The following C16orf74 variants were observed in gnomAD, a reference collection of about 807,000 sequenced individuals.
C16orf74 encodes calcimembrin, also known as uncharacterized protein C16orf74.
A neutral mutation model predicts 6.5 loss-of-function variants in C16orf74; 10 were observed. The observed-to-expected ratio is 1.54, with a 90% CI of 0.95 to 2.61. The LOEUF (loss-of-function observed/expected upper bound fraction) is 2.61. C16orf74 is among the 30% of genes most tolerant of loss of function. C16orf74 has a pLI of 0.00. For missense variants in C16orf74, 141 were observed against 105.9 expected (o/e 1.33, Z -1.45); for synonymous variants, 60 against 42.5 (o/e 1.41, Z -1.60).
At chr16:85,726,087 C>T (rs570201897) in intron 2 of C16orf74, among the ~76,000 whole-genome samples, 1 of 152,306 alleles carries the variant, frequency 6.6e-6, no homozygotes, top group African/African-American at 2.4e-5. Flanking sequence ...CCTGCATCCA[C>T]ATGGCTAACT....
At chr16:85,719,377 C>G (rs985637867) in intron 2 of C16orf74, among the ~76,000 whole-genome samples, 1 of 152,136 alleles carries the variant, frequency 6.6e-6, no homozygotes, top group Admixed American at 6.5e-5. Context: ...AGGAGGGTCC[C>G]CAGTGATTCA....
intron 1 of C16orf74, among the ~76,000 whole-genome samples, chr16:85,738,829 C>T (rs2054272893): frequency 6.6e-6 from 1 of 152,130 alleles, no homozygotes; most frequent in Admixed American, 6.5e-5. Flanking sequence ...TATGTGTATT[C>T]ATGGTTAGTG....
intron 1 of C16orf74, chr16:85,743,989 G>C (rs1470551267): frequency 6.6e-6 from 1 of 151,910 alleles, no homozygotes; most frequent in African/African-American, 2.4e-5. Flanking sequence ...AGGAGGCGGA[G>C]CTTGCAATGA....
chr16:85,710,126 C>G (rs2305357), intron 3 of C16orf74, 38 bp downstream of exon 3: 917,726 of 1,378,480 alleles, frequency 0.67, 307,033 homozygotes, highest in East Asian at 0.88. Context: ...CGGGCCCCCA[C>G]AGCCGACCCG....
intron 2 of C16orf74, among the ~76,000 whole-genome samples, chr16:85,725,295 G>C (rs1394458214): frequency 6.6e-6 from 1 of 151,958 alleles, no homozygotes; most frequent in African/African-American, 2.4e-5. Flanking sequence ...CCCTGGAATT[G>C]AGCCTGCACA....
intron 1 of C16orf74, among the ~76,000 whole-genome samples, chr16:85,748,992 G>A (rs1030878357): frequency 3.4e-5 from 5 of 147,844 alleles, no homozygotes; most frequent in African/African-American, 1.2e-4. Flanking sequence ...TGTTGCTCAG[G>A]TTGGTCTCAA....
At chr16:85,746,366 C>G (rs1422777117) in intron 1 of C16orf74, among the ~76,000 whole-genome samples, 2 of 152,032 alleles carry the variant, frequency 1.3e-5, no homozygotes, top group Non-Finnish European at 2.9e-5. Flanking sequence ...CAAACAAAAA[C>G]AACAACAAAA....
At chr16:85,709,493 A>ATATTATTATTAT (rs974007082) in intron 3 of C16orf74, among the ~76,000 whole-genome samples, 3 of 84,436 alleles carry the variant, frequency 3.6e-5, no homozygotes, top group African/African-American at 1.3e-4. Flanking sequence ...ACCATCCCCA[A>ATATTATTATTAT]TGTTATTATT....
chr16:85,707,915 A>C lies in C16orf74; in HGVS notation c.*93T>G. The C allele has an allele frequency of 1.8e-6, 2 of 1,101,842 alleles. No individual in the cohort carries two copies. The highest frequency in any genetic ancestry group is 2.7e-6 in the Non-Finnish European group (2 of 751,136). The allele number at this position is 1,101,842 out of a possible 1,614,324, so 68.3% of individuals were successfully genotyped here. A position where few individuals can be genotyped will look rare whatever the true frequency, so the allele number is the denominator to read the frequency against. ...GGTTCGCTCAGTTCCCATCCAGGGT[A>C]TTCAGCACACCTGCTCCAGGCAGCC... On this transcript the variant is annotated 3_prime_UTR_variant, in exon 4 of 4. Coordinates refer to ENST00000284245, the MANE Select transcript of C16orf74 (RefSeq NM_206967.3).
At chr16:85,740,153 G>A (rs1028361818) in intron 1 of C16orf74, among the ~76,000 whole-genome samples, 4 of 147,272 alleles carry the variant, frequency 2.7e-5, no homozygotes, top group Non-Finnish European at 6.0e-5. Context: ...GAGGTTGTAG[G>A]GAGCCGAGAT....
chr16:85,723,048 C>T (rs1477439923), intron 2 of C16orf74, among the ~76,000 whole-genome samples: 1 of 152,064 alleles, frequency 6.6e-6, no homozygotes, highest in Non-Finnish European at 1.5e-5. Flanking sequence ...CACCTGAGGT[C>T]AGGAATTGAA....
chr16:85,717,472 G>C (rs1258408755), intron 2 of C16orf74, among the ~76,000 whole-genome samples: 2 of 152,198 alleles, frequency 1.3e-5, no homozygotes, highest in Non-Finnish European at 1.5e-5. Flanking sequence ...CAGTTTCCCT[G>C]GCTGTAAAAC....
intron 1 of C16orf74, among the ~76,000 whole-genome samples, chr16:85,746,337 G>A (rs2054373131): frequency 6.6e-6 from 1 of 152,188 alleles, no homozygotes. Context: ...GCGGCAAGGT[G>A]AGACTCGCCT....
intron 2 of C16orf74, among the ~76,000 whole-genome samples, chr16:85,726,906 C>T (rs1474525885): frequency 6.6e-6 from 1 of 152,162 alleles, no homozygotes; most frequent in Non-Finnish European, 1.5e-5. Context: ...CGGAAACAGC[C>T]ACCCCTTCCC....
chr16:85,744,244 A>AAG (rs1220397493), intron 1 of C16orf74: 10 of 149,784 alleles, frequency 6.7e-5, no homozygotes. Context: ...AAAAAAAAAA[A>AAG]AAAGAAAAGA....
chr16:85,707,880 CG>C lies in C16orf74; in HGVS notation c.*127del. 1.4e-6 allele frequency: 1 copy of C among 721,798 alleles called. No individual in the cohort carries two copies. Among genetic ancestry groups the C allele is most frequent in the Non-Finnish European group, 2.3e-6 (1 of 431,390 alleles). The allele number at this position is 721,798 out of a possible 1,614,324, so 44.7% of individuals were successfully genotyped here. ...GCTGGTCCTGCCACGTCTCTCTGAG[CG>C]GAGGCCCGGGTTCGCTCAGTTCCCA... On this transcript the variant is annotated 3_prime_UTR_variant, in exon 4 of 4. Coordinates refer to ENST00000284245, the MANE Select transcript of C16orf74 (RefSeq NM_206967.3).
chr16:85,715,172 A>T (rs1002754465), intron 2 of C16orf74, among the ~76,000 whole-genome samples: 1 of 145,014 alleles, frequency 6.9e-6, no homozygotes, highest in African/African-American at 2.5e-5. Context: ...AAAAAAAAAA[A>T]GAAGAGAACA....
chr16:85,745,479 AATG>A (rs776135708), intron 1 of C16orf74, among the ~76,000 whole-genome samples: 6 of 152,256 alleles, frequency 3.9e-5, no homozygotes, highest in Non-Finnish European at 8.8e-5. Context: ...AGAAAAGCAA[AATG>A]ATGTGTTCTT....
chr16:85,730,111 G>T (rs2054172833), intron 2 of C16orf74, among the ~76,000 whole-genome samples: 1 of 152,182 alleles, frequency 6.6e-6, no homozygotes, highest in Non-Finnish European at 1.5e-5. Flanking sequence ...GGGGAGCTGA[G>T]GAAGGAGGAG....
Sources: gnomAD v4.1 joint callset for allele counts (sites outside exome capture counted in the v4.1 genomes callset) on GRCh38, gnomAD v4.1.1 for gene constraint, MANE v1.5 for transcripts, NCBI Gene and HGNC (gene_info 2026-07-23, HGNC 2026-07-21) for gene names.